CNTNAP2: variants seen among roughly 807,000 people sequenced by gnomAD.
CNTNAP2 encodes contactin associated protein 2.
A neutral mutation model predicts 155.2 loss-of-function variants in CNTNAP2; 98 were observed. That is an observed-to-expected ratio of 0.63 (90% CI 0.54 to 0.75). The LOEUF is 0.75. CNTNAP2 is among the 30% of genes least tolerant of loss of function. CNTNAP2 has a pLI of 0.00. For synonymous variants in CNTNAP2, 651 were observed against 631.2 expected (o/e 1.03, Z -0.47); for missense variants, 1,727 against 1,688.1 (o/e 1.02, Z -0.40).
At chr7:147,661,268 ATTC>A (rs1795604311) in intron 13 of CNTNAP2, among the ~76,000 whole-genome samples, 1 of 151,680 alleles carries the variant, frequency 6.6e-6, no homozygotes, top group Non-Finnish European at 1.5e-5. Flanking sequence ...TTTTTTTGTA[ATTC>A]TTCTTTTCTA....
chr7:146,802,422 A>G (rs1234233218), intron 2 of CNTNAP2, among the ~76,000 whole-genome samples: 2 of 152,188 alleles, frequency 1.3e-5, no homozygotes, highest in African/African-American at 4.8e-5. Flanking sequence ...GATTAGGGAT[A>G]TGATTTGGCT....
intron 1 of CNTNAP2, among the ~76,000 whole-genome samples, chr7:146,135,255 T>C (rs1414178480): frequency 1.3e-5 from 2 of 152,070 alleles, no homozygotes; most frequent in South Asian, 4.1e-4. Flanking sequence ...CTCATTTTTA[T>C]TTTGGGTATA....
intron 3 of CNTNAP2, among the ~76,000 whole-genome samples, chr7:146,959,730 A>AAG (rs1554416201): frequency 1.3e-5 from 2 of 149,280 alleles, no homozygotes; most frequent in Non-Finnish European, 1.5e-5. Flanking sequence ...AAAAAAAAAA[A>AAG]AAAGAAAGAA....
At chr7:148,022,263 T>A (rs1396969007) in intron 15 of CNTNAP2, among the ~76,000 whole-genome samples, 1 of 151,274 alleles carries the variant, frequency 6.6e-6, no homozygotes, top group East Asian at 1.9e-4. Context: ...AGCTCAGGAG[T>A]TCGAGACCAG....
intron 9 of CNTNAP2, among the ~76,000 whole-genome samples, chr7:147,364,187 T>G (rs1157624898): frequency 6.6e-6 from 1 of 152,232 alleles, no homozygotes; most frequent in Admixed American, 6.5e-5. Flanking sequence ...TAAGCTAGTC[T>G]ACATGCTGCT....
At chr7:146,924,049 G>C (rs1054494446) in intron 3 of CNTNAP2, among the ~76,000 whole-genome samples, 1 of 151,760 alleles carries the variant, frequency 6.6e-6, no homozygotes, top group African/African-American at 2.4e-5. Context: ...TTTTTCTTCT[G>C]CCGCGGTTCT....
chr7:147,706,197 T>TTTTTC (rs1796313449), intron 13 of CNTNAP2, among the ~76,000 whole-genome samples: 2 of 151,134 alleles, frequency 1.3e-5, no homozygotes, highest in Admixed American at 1.3e-4. Context: ...TTTTTTTTTT[T>TTTTTC]CCTTATTTGT....
chr7:146,277,519 G>A (rs980975232), intron 1 of CNTNAP2, among the ~76,000 whole-genome samples: 2 of 152,028 alleles, frequency 1.3e-5, no homozygotes, highest in East Asian at 1.9e-4. Context: ...GAGCAGCCAC[G>A]TCACTTCTCT....
chr7:147,221,729 T>G (rs552387135), intron 8 of CNTNAP2, among the ~76,000 whole-genome samples: 1 of 152,254 alleles, frequency 6.6e-6, no homozygotes, highest in Non-Finnish European at 1.5e-5. Flanking sequence ...TATATCATTT[T>G]CCTTGTCTCC....
At chr7:148,412,280 G>A (rs377746357) in intron 23 of CNTNAP2, among the ~76,000 whole-genome samples, 97 of 152,280 alleles carry the variant, frequency 6.4e-4, no homozygotes, top group African/African-American at 2.1e-3. Flanking sequence ...AACAATGTAA[G>A]TTCTCTAATC....
intron 1 of CNTNAP2, among the ~76,000 whole-genome samples, chr7:146,538,003 T>C (rs1318196291): frequency 6.6e-6 from 1 of 152,064 alleles, no homozygotes; most frequent in Non-Finnish European, 1.5e-5. Flanking sequence ...TTGAAAAGGA[T>C]TATTCTAGTA....
At chr7:147,798,037 C>A (rs138114579) in intron 13 of CNTNAP2, among the ~76,000 whole-genome samples, 6 of 151,732 alleles carry the variant, frequency 4.0e-5, no homozygotes, top group Admixed American at 3.9e-4. Context: ...CCACTTAGAC[C>A]GAAGAAAATT....
chr7:148,215,023 A>G (rs1795612481), intron 18 of CNTNAP2, among the ~76,000 whole-genome samples: 1 of 152,232 alleles, frequency 6.6e-6, no homozygotes, highest in East Asian at 1.9e-4. Flanking sequence ...TAAGAGGACC[A>G]GGAGGAAAAT....
intron 13 of CNTNAP2, among the ~76,000 whole-genome samples, chr7:147,881,603 T>C (rs1423365165): frequency 6.6e-6 from 1 of 152,156 alleles, no homozygotes; most frequent in Non-Finnish European, 1.5e-5. Flanking sequence ...TATAAATGTT[T>C]GTAAGAAAAT....
intron 23 of CNTNAP2, among the ~76,000 whole-genome samples, 174 bp downstream of exon 23, chr7:148,409,645 A>G (rs572599452): frequency 2.0e-5 from 3 of 152,040 alleles, no homozygotes; most frequent in Admixed American, 2.0e-4. Context: ...AGCCGGGCAC[A>G]GTGGCTCACC....
chr7:148,246,921 G>C (rs957030134), intron 20 of CNTNAP2, among the ~76,000 whole-genome samples: 1 of 152,158 alleles, frequency 6.6e-6, no homozygotes. Context: ...CTTGAACATA[G>C]TTATTTGTAT....
At chr7:146,739,081 C>T (rs1355144442) in intron 1 of CNTNAP2, among the ~76,000 whole-genome samples, 1 of 151,822 alleles carries the variant, frequency 6.6e-6, no homozygotes, top group South Asian at 2.1e-4. Context: ...CTAAAAAAAT[C>T]AACTCTTAGT....
chr7:146,927,060 G>T (rs1353033467), intron 3 of CNTNAP2, among the ~76,000 whole-genome samples: 2 of 152,120 alleles, frequency 1.3e-5, no homozygotes, highest in Admixed American at 1.3e-4. Context: ...TGCTTAATGA[G>T]ATAAAGAAGC....
chr7:146,449,349 T>A (rs1443828414), intron 1 of CNTNAP2, among the ~76,000 whole-genome samples: 1 of 152,172 alleles, frequency 6.6e-6, no homozygotes, highest in East Asian at 1.9e-4. Flanking sequence ...ATGTAATTTG[T>A]GGCCCTTTTT....
Sources: gnomAD v4.1 joint callset for allele counts (sites outside exome capture counted in the v4.1 genomes callset) on GRCh38, gnomAD v4.1.1 for gene constraint, MANE v1.5 for transcripts, NCBI Gene and HGNC (gene_info 2026-07-23, HGNC 2026-07-21) for gene names.